The following CSMD3 variants were observed in gnomAD, a reference collection of about 807,000 sequenced individuals.
The protein encoded by CSMD3 is CUB and Sushi multiple domains 3.
CSMD3 carries 177 observed loss-of-function variants against 435.2 expected under a neutral mutation model. That is an observed-to-expected ratio of 0.41 (90% CI 0.36 to 0.46). CSMD3 has a LOEUF of 0.46. Ranked by LOEUF, CSMD3 falls within the 20% of genes least tolerant of loss-of-function variation. CSMD3 has a pLI of 0.34. For synonymous variants in CSMD3, 1,656 were observed against 1,520.5 expected, an observed-to-expected ratio of 1.09 and a Z score of -2.07; for missense variants, 4,265 against 4,504.6, an observed-to-expected ratio of 0.95 and a Z score of 1.52.
chr8:112,883,476 T>C (rs1211574692), intron 10 of CSMD3, among the ~76,000 whole-genome samples: 1 of 152,000 alleles, frequency 6.6e-6, no homozygotes, highest in Non-Finnish European at 1.5e-5. Flanking sequence ...GTAGTGTTTT[T>C]CTAACAAATA....
chr8:113,270,525 C>T (rs981338741), intron 3 of CSMD3, among the ~76,000 whole-genome samples: 7 of 152,052 alleles, frequency 4.6e-5, no homozygotes, highest in South Asian at 4.1e-4. Flanking sequence ...CACATGCACA[C>T]GTATGTTTAT....
chr8:113,404,528 G>T (rs754009251), intron 1 of CSMD3, among the ~76,000 whole-genome samples: 66 of 151,452 alleles, frequency 4.4e-4, no homozygotes, highest in Middle Eastern at 3.4e-3. Context: ...TTGTTATATA[G>T]AGAGAGATTA....
At chr8:112,413,703 C>T (rs1161974202) in intron 32 of CSMD3, among the ~76,000 whole-genome samples, 1 of 152,072 alleles carries the variant, frequency 6.6e-6, no homozygotes, top group Admixed American at 6.5e-5. Flanking sequence ...ATAAATAGAA[C>T]AACAAGAATT....
intron 32 of CSMD3, among the ~76,000 whole-genome samples, chr8:112,425,459 C>T (rs549124014): frequency 6.6e-6 from 1 of 152,236 alleles, no homozygotes; most frequent in African/African-American, 2.4e-5. Flanking sequence ...GCTGTACTCA[C>T]TTATCTGTGA....
At position 113,038,375 on chromosome 8, in the gene CSMD3, T is replaced by C. The variant is rs567658935; in HGVS notation, c.918-19196A>G. Among the ~76,000 whole-genome samples, 3 of 152,320 alleles carry C rather than the reference T, an allele frequency of 2.0e-5. No individual in the cohort carries two copies. In the South Asian group the frequency reaches 6.2e-4, roughly 32 times the overall value. Reference sequence around the variant, plus strand: ...AACCATTCATTGAATAATTGTCAAATGTTTTCTATATGCCAAGTACTCTTT... The same window carrying C: ...AACCATTCATTGAATAATTGTCAAACGTTTTCTATATGCCAAGTACTCTTT... On this transcript the variant is annotated intron_variant, in intron 5 of 70. Transcript: ENST00000297405.
chr8:112,460,321 T>A (rs951134237), intron 32 of CSMD3, among the ~76,000 whole-genome samples: 4 of 152,042 alleles, frequency 2.6e-5, no homozygotes, highest in African/African-American at 7.2e-5. Flanking sequence ...AGGTTAGAAT[T>A]ATTTATAGCA....
At chr8:112,521,353 A>C (rs2131013673) in intron 27 of CSMD3, among the ~76,000 whole-genome samples, 1 of 152,032 alleles carries the variant, frequency 6.6e-6, no homozygotes, top group South Asian at 2.1e-4. Context: ...ATCCAGTGGT[A>C]ACTTTTATGG....
rs183397157 is a variant in CSMD3 at position 112,933,393 on chromosome 8, A to G, written c.1509-11642T>C. Among the ~76,000 whole-genome samples the G allele has an allele frequency of 8.9e-4, 136 of 152,280 alleles. 1 individual carries two copies. The highest frequency in any genetic ancestry group is 2.7e-3 in the African/African-American group (113 of 41,574). ...GTTACAAATTTTACACCGAATTGTAATATCAGTTCTGCAAAGTATTACAAT... is the reference window on the plus strand; with the variant it reads ...GTTACAAATTTTACACCGAATTGTAGTATCAGTTCTGCAAAGTATTACAAT... On this transcript the variant is annotated intron_variant, in intron 9 of 70. Transcript: ENST00000297405.
At chr8:112,767,933 A>G (rs957976250) in intron 13 of CSMD3, among the ~76,000 whole-genome samples, 3 of 151,728 alleles carry the variant, frequency 2.0e-5, no homozygotes, top group Non-Finnish European at 4.4e-5. Flanking sequence ...CTGGCTGTAC[A>G]TTAGAATACC....
intron 22 of CSMD3, among the ~76,000 whole-genome samples, chr8:112,626,507 C>T (rs1834486659): frequency 6.6e-6 from 1 of 151,854 alleles, no homozygotes; most frequent in African/African-American, 2.4e-5. Flanking sequence ...AATCTATATA[C>T]ACACATATAC....
In CSMD3 at chr8:113,061,842, T is replaced by C. The variant is rs1440732790; in HGVS notation, c.917+36914A>G. 4.0e-5 allele frequency among the ~76,000 whole-genome samples: 6 copies of C among 151,898 alleles called. No homozygotes were observed. The South Asian group carries it at 1.2e-3, about 31-fold the overall frequency. On this transcript the variant is annotated intron_variant, in intron 5 of 70. Coordinates refer to ENST00000297405, the MANE Select transcript of CSMD3 (RefSeq NM_198123.2). ...TGTATTTTATCTTAAGATGTGTAGA[T>C]GCATAGCCCATTCACTAATCTTATG...
At chr8:112,309,440 A>T (rs1821747046) in intron 50 of CSMD3, among the ~76,000 whole-genome samples, 1 of 151,768 alleles carries the variant, frequency 6.6e-6, no homozygotes, top group Non-Finnish European at 1.5e-5. Context: ...GGTTATTTAA[A>T]ATATATATAT....
At chr8:112,519,696 C>A (rs1824076070) in intron 27 of CSMD3, among the ~76,000 whole-genome samples, 1 of 152,158 alleles carries the variant, frequency 6.6e-6, no homozygotes, top group Non-Finnish European at 1.5e-5. Context: ...CCTCTCGATT[C>A]ACAGGAAGTC....
intron 32 of CSMD3, among the ~76,000 whole-genome samples, chr8:112,424,409 A>G (rs1027531205): frequency 1.2e-4 from 19 of 152,264 alleles, no homozygotes; most frequent in Admixed American, 8.5e-4. Flanking sequence ...AACATAAATT[A>G]TTTGCACATG....
chr8:112,478,872 A>C (rs1340786738), intron 31 of CSMD3, among the ~76,000 whole-genome samples: 1 of 152,134 alleles, frequency 6.6e-6, no homozygotes, highest in Non-Finnish European at 1.5e-5. Context: ...TGCCTTTTCC[A>C]ATAGTACCTA....
intron 6 of CSMD3, among the ~76,000 whole-genome samples, chr8:112,987,157 T>C (rs1211506181): frequency 6.6e-6 from 1 of 152,070 alleles, no homozygotes; most frequent in Non-Finnish European, 1.5e-5. Flanking sequence ...GCAAAAAAAT[T>C]TAATCATTAG....
intron 4 of CSMD3, among the ~76,000 whole-genome samples, chr8:113,165,714 G>C (rs1359541927): frequency 2.0e-5 from 3 of 151,972 alleles, no homozygotes; most frequent in African/African-American, 7.2e-5. Flanking sequence ...TATCGTCAAA[G>C]AAAATGGATT....
intron 3 of CSMD3, among the ~76,000 whole-genome samples, chr8:113,245,281 G>C (rs1180618946): frequency 6.6e-6 from 1 of 151,948 alleles, no homozygotes; most frequent in Non-Finnish European, 1.5e-5. Flanking sequence ...CTATTAGTTA[G>C]CATGTGTATG....
chr8:112,627,136 T>G (rs762727630), intron 22 of CSMD3, among the ~76,000 whole-genome samples: 3 of 152,204 alleles, frequency 2.0e-5, no homozygotes, highest in Non-Finnish European at 2.9e-5. Flanking sequence ...AAAATTAGTT[T>G]GTCTGATGGC....
Sources: gnomAD v4.1 joint callset for allele counts (sites outside exome capture counted in the v4.1 genomes callset) on GRCh38, gnomAD v4.1.1 for gene constraint, MANE v1.5 for transcripts, NCBI Gene and HGNC (gene_info 2026-07-23, HGNC 2026-07-21) for gene names.